MMP16: variants seen among roughly 807,000 people sequenced by gnomAD.
MMP16 encodes matrix metalloproteinase-16.
Under a neutral mutation model 67.8 loss-of-function variants are expected in MMP16, and 12 were observed. The ratio of observed to expected loss-of-function variants is 0.18; its 90% CI spans 0.11 to 0.29. The LOEUF is 0.29. MMP16 is among the 10% of genes least tolerant of loss of function. MMP16 has a pLI of 1.00. For missense variants in MMP16, 475 were observed against 765.7 expected, an observed-to-expected ratio of 0.62 and a Z score of 4.48; for synonymous variants, 249 against 255.9, an observed-to-expected ratio of 0.97 and a Z score of 0.26.
chr8:88,053,885 G>A (rs1871050), intron 8 of MMP16, among the ~76,000 whole-genome samples: 31,067 of 151,902 alleles, frequency 0.2, 3,700 homozygotes, highest in Non-Finnish European at 0.28. Flanking sequence ...TTTAAATAGA[G>A]CTTAAAAGTA....
At chr8:88,247,435 G>C (rs1217778620) in intron 1 of MMP16, among the ~76,000 whole-genome samples, 1 of 152,076 alleles carries the variant, frequency 6.6e-6, no homozygotes, top group African/African-American at 2.4e-5. Context: ...AGTTGTGACA[G>C]CTATGGAGGA....
intron 1 of MMP16, among the ~76,000 whole-genome samples, chr8:88,224,333 T>C (rs1359038865): frequency 6.6e-6 from 1 of 152,070 alleles, no homozygotes; most frequent in Non-Finnish European, 1.5e-5. Flanking sequence ...GATTAAGATA[T>C]ACATCATCAG....
At chr8:88,263,032 A>C (rs1305432232) in intron 1 of MMP16, among the ~76,000 whole-genome samples, 1 of 139,246 alleles carries the variant, frequency 7.2e-6, no homozygotes, top group Non-Finnish European at 1.5e-5. Flanking sequence ...TCAAATAAAT[A>C]AATAAATAAA....
intron 7 of MMP16, among the ~76,000 whole-genome samples, chr8:88,062,130 G>A (rs556783083): frequency 6.6e-6 from 1 of 152,074 alleles, no homozygotes; most frequent in Admixed American, 6.6e-5. Context: ...TGTTTATTGA[G>A]AAAATACAAT....
At chr8:88,098,235 A>G (rs901797545) in intron 6 of MMP16, among the ~76,000 whole-genome samples, 4 of 151,996 alleles carry the variant, frequency 2.6e-5, no homozygotes, top group African/African-American at 9.7e-5. Context: ...GTATTACTAC[A>G]CTAGTATCAA....
At chr8:88,280,715 A>C (rs909754789) in intron 1 of MMP16, among the ~76,000 whole-genome samples, 1 of 152,144 alleles carries the variant, frequency 6.6e-6, no homozygotes, top group Non-Finnish European at 1.5e-5. Context: ...ACATGCCTCC[A>C]CAAAAAAATT....
intron 6 of MMP16, among the ~76,000 whole-genome samples, chr8:88,078,113 C>T (rs1265448676): frequency 1.3e-5 from 2 of 151,954 alleles, no homozygotes; most frequent in Non-Finnish European, 2.9e-5. Flanking sequence ...TCTCTTTCTC[C>T]TCTCCCTCTC....
intron 2 of MMP16, among the ~76,000 whole-genome samples, chr8:88,189,758 C>A (rs886719289): frequency 2.0e-5 from 3 of 152,132 alleles, no homozygotes; most frequent in African/African-American, 7.2e-5. Context: ...TCCTTGTTCA[C>A]CCTGAGAATC....
intron 1 of MMP16, among the ~76,000 whole-genome samples, chr8:88,247,457 C>T (rs1006366238): frequency 4.6e-5 from 7 of 152,074 alleles, no homozygotes; most frequent in Admixed American, 1.3e-4. Flanking sequence ...ACACGTGGCA[C>T]GTTCAAGTCA....
In MMP16 at chr8:88,262,274, A is replaced by C. The variant is rs111999764; in HGVS notation, c.132+64801T>G. On this transcript the variant is annotated intron_variant, in intron 1 of 9. Transcript: ENST00000286614. ...ACGTGGCATAGTGCACATTTTACTA[A>C]AGCAAGAAAAGATATGAATTTTTTA... 5.1e-3 allele frequency among the ~76,000 whole-genome samples: 772 copies of C among 152,360 alleles called. 7 individuals are homozygous for C. The highest frequency in any genetic ancestry group is 9.5e-3 in the South Asian group (46 of 4,828).
At chr8:88,295,200 AG>A (rs1286171008) in intron 1 of MMP16, among the ~76,000 whole-genome samples, 1 of 152,228 alleles carries the variant, frequency 6.6e-6, no homozygotes, top group African/African-American at 2.4e-5. Flanking sequence ...TAGTTAACAA[AG>A]ACACATATTA....
At chr8:88,307,820 G>A (rs1811234430) in intron 1 of MMP16, among the ~76,000 whole-genome samples, 1 of 151,704 alleles carries the variant, frequency 6.6e-6, no homozygotes, top group African/African-American at 2.4e-5. Context: ...GATAATCTAT[G>A]GAAAGAATAC....
At chr8:88,206,165 C>T (rs1329414987) in intron 1 of MMP16, among the ~76,000 whole-genome samples, 1 of 151,980 alleles carries the variant, frequency 6.6e-6, no homozygotes, top group Non-Finnish European at 1.5e-5. Context: ...CTAAATTTAT[C>T]ATTTTAACAA....
chr8:88,187,696 C>T (rs527783469), intron 2 of MMP16, among the ~76,000 whole-genome samples: 1 of 152,212 alleles, frequency 6.6e-6, no homozygotes, highest in East Asian at 1.9e-4. Context: ...CAATAATGTG[C>T]TTTTACAAAC....
intron 1 of MMP16, among the ~76,000 whole-genome samples, chr8:88,322,444 C>A (rs918067678): frequency 6.6e-6 from 1 of 152,020 alleles, no homozygotes. Context: ...TCTTCCTATA[C>A]CAATTGATAT....
At chr8:88,119,821 T>A (rs756549299) in intron 4 of MMP16, among the ~76,000 whole-genome samples, 1 of 152,088 alleles carries the variant, frequency 6.6e-6, no homozygotes, top group African/African-American at 2.4e-5. Context: ...AAAAGTTTAA[T>A]GTGATTGAAC....
At chr8:88,183,199 T>A (rs1179982801) in intron 3 of MMP16, among the ~76,000 whole-genome samples, 1 of 152,136 alleles carries the variant, frequency 6.6e-6, no homozygotes, top group African/African-American at 2.4e-5. Context: ...AACTATCAAC[T>A]TAAGTGGTAA....
At chr8:88,065,046 C>T (rs918056178) in intron 7 of MMP16, among the ~76,000 whole-genome samples, 1 of 152,074 alleles carries the variant, frequency 6.6e-6, no homozygotes, top group Non-Finnish European at 1.5e-5. Context: ...AGTACTAAAG[C>T]CTGGCCATTT....
At chr8:88,250,790 A>G (rs142132743) in intron 1 of MMP16, among the ~76,000 whole-genome samples, 1,373 of 137,238 alleles carry the variant, frequency 0.01, 72 homozygotes, top group Admixed American at 0.091. Context: ...ATTTTTTTTT[A>G]TTATACTTTA....
Sources: allele counts gnomAD v4.1 joint callset (sites outside exome capture counted in the v4.1 genomes callset), GRCh38; gene constraint gnomAD v4.1.1; transcripts MANE v1.5; gene names NCBI Gene and HGNC (gene_info 2026-07-23, HGNC 2026-07-21).